ROBO2: variants seen among roughly 807,000 people sequenced by gnomAD.
The protein encoded by ROBO2 is roundabout homolog 2.
A neutral mutation model predicts 160.8 loss-of-function variants in ROBO2; 53 were observed. That is an observed-to-expected ratio of 0.33 (90% CI 0.26 to 0.41). The LOEUF is 0.41. Ranked by LOEUF, ROBO2 falls within the 10% of genes least tolerant of loss-of-function variation. ROBO2 has a pLI of 1.00. For synonymous variants in ROBO2, 664 were observed against 611.7 expected, an observed-to-expected ratio of 1.09 and a Z score of -1.26; for missense variants, 1,577 against 1,722.4, an observed-to-expected ratio of 0.92 and a Z score of 1.49.
At chr3:76,736,454 A>G (rs879763086) in intron 2 of ROBO2, among the ~76,000 whole-genome samples, 18 of 152,138 alleles carry the variant, frequency 1.2e-4, no homozygotes, top group Non-Finnish European at 2.4e-4. Flanking sequence ...AAGCTGTTTG[A>G]CATTTGAAAT....
At chr3:77,534,892 G>A (rs1371552241) in intron 6 of ROBO2, among the ~76,000 whole-genome samples, 1 of 152,130 alleles carries the variant, frequency 6.6e-6, no homozygotes, top group Non-Finnish European at 1.5e-5. Flanking sequence ...ACAAATGTTG[G>A]TGCAGTTAAT....
intron 2 of ROBO2, among the ~76,000 whole-genome samples, chr3:76,037,260 C>CT (rs5850229): frequency 0.21 from 29,210 of 137,150 alleles, 3,846 homozygotes; most frequent in African/African-American, 0.37. Context: ...TTTCTTTTTT[C>CT]TTTTTTTTTT....
At chr3:76,001,512 ATGTG>A (rs368446442) in intron 2 of ROBO2, among the ~76,000 whole-genome samples, 42 of 148,804 alleles carry the variant, frequency 2.8e-4, no homozygotes, top group African/African-American at 8.8e-4. Context: ...TTATTTGAAT[ATGTG>A]TGTGTGTGTG....
intron 2 of ROBO2, among the ~76,000 whole-genome samples, chr3:76,736,248 CT>C (rs1309099449): frequency 3.3e-5 from 4 of 123,020 alleles, no homozygotes; most frequent in African/African-American, 1.6e-4. Flanking sequence ...CGTCCCTGCA[CT>C]CCAGCCTGGG....
At chr3:76,187,191 T>A (rs904633372) in intron 2 of ROBO2, among the ~76,000 whole-genome samples, 1 of 152,142 alleles carries the variant, frequency 6.6e-6, no homozygotes, top group Admixed American at 6.6e-5. Flanking sequence ...AATATTTGCC[T>A]GGAATCATCA....
chr3:77,540,886 C>T (rs1444724370), intron 6 of ROBO2, among the ~76,000 whole-genome samples: 4 of 152,112 alleles, frequency 2.6e-5, no homozygotes, highest in Non-Finnish European at 4.4e-5. Flanking sequence ...AACCCTAGCA[C>T]ATAATAAGCT....
rs1486903670 is a variant in ROBO2 at position 77,164,967 on chromosome 3, G to A, written c.388+66627G>A. Among the ~76,000 whole-genome samples the A allele has an allele frequency of 9.4e-5, 14 of 148,722 alleles. 1 individual carries two copies. Among genetic ancestry groups the A allele is most frequent in the African/African-American group, 2.5e-4 (10 of 40,488 alleles). On this transcript the variant is annotated intron_variant, in intron 2 of 25. Coordinates refer to ENST00000461745, the Ensembl canonical transcript of ROBO2. ...GGTCAGCCCCCCAACCCGGCCAGCC[G>A]CCCCGTCCGGGAGGTGAGGGGCGCC...
intron 2 of ROBO2, among the ~76,000 whole-genome samples, chr3:77,213,386 C>A (rs915369920): frequency 6.6e-6 from 1 of 152,164 alleles, no homozygotes; most frequent in Non-Finnish European, 1.5e-5. Context: ...GTAGTATTCT[C>A]TGATGGTAGT....
intron 2 of ROBO2, among the ~76,000 whole-genome samples, chr3:76,565,419 T>A (rs916732821): frequency 6.6e-6 from 1 of 152,196 alleles, no homozygotes; most frequent in African/African-American, 2.4e-5. Flanking sequence ...TAAACATTTA[T>A]CCACAGGATA....
chr3:77,516,949 G>A (rs999377673), intron 5 of ROBO2, among the ~76,000 whole-genome samples: 3 of 151,440 alleles, frequency 2.0e-5, no homozygotes, highest in African/African-American at 4.8e-5. Flanking sequence ...TTCATTGAAC[G>A]CCTCCAATAT....
chr3:76,666,189 AG>A (rs1277586237), intron 2 of ROBO2, among the ~76,000 whole-genome samples: 71 of 151,668 alleles, frequency 4.7e-4, no homozygotes, highest in Non-Finnish European at 1.0e-4. Context: ...TCTACAAATC[AG>A]GATGTATAAT....
At chr3:76,434,791 G>T (rs2076593482) in intron 2 of ROBO2, 8 of 1,330,384 alleles carry the variant, frequency 6.0e-6, no homozygotes, top group Admixed American at 1.7e-5. Context: ...ATTAATCAGG[G>T]GGAGAGCATC....
intron 2 of ROBO2, among the ~76,000 whole-genome samples, chr3:76,549,532 A>G (rs770439920): frequency 7.2e-5 from 11 of 152,200 alleles, no homozygotes; most frequent in Non-Finnish European, 1.5e-4. Flanking sequence ...TAGTGATTGT[A>G]ATCAAGTTGA....
chr3:76,177,785 T>A (rs1010003983), intron 2 of ROBO2, among the ~76,000 whole-genome samples: 2 of 152,094 alleles, frequency 1.3e-5, no homozygotes, highest in Non-Finnish European at 2.9e-5. Flanking sequence ...CAGAGAAATA[T>A]AGACAGATGG....
intron 2 of ROBO2, among the ~76,000 whole-genome samples, chr3:76,635,821 A>G (rs999662227): frequency 6.6e-6 from 1 of 152,226 alleles, no homozygotes; most frequent in African/African-American, 2.4e-5. Context: ...ATTGTAGCCA[A>G]TGTTTTCCTA....
At chr3:77,384,013 T>C (rs867897244) in intron 2 of ROBO2, among the ~76,000 whole-genome samples, 1 of 152,162 alleles carries the variant, frequency 6.6e-6, no homozygotes, top group Non-Finnish European at 1.5e-5. Context: ...AGTTTACTAA[T>C]TGACAAATGT....
chr3:77,458,710 C>T (rs1447603129), intron 2 of ROBO2, among the ~76,000 whole-genome samples: 1 of 151,900 alleles, frequency 6.6e-6, no homozygotes, highest in Non-Finnish European at 1.5e-5. Context: ...GCTTAATGTT[C>T]AAAATCACCA....
chr3:76,998,705 C>T (rs1158353352), intron 2 of ROBO2, among the ~76,000 whole-genome samples: 1 of 152,030 alleles, frequency 6.6e-6, no homozygotes, highest in Non-Finnish European at 1.5e-5. Flanking sequence ...CAAGTGAGTG[C>T]ACAACTAGCC....
intron 2 of ROBO2, among the ~76,000 whole-genome samples, chr3:76,315,000 A>G (rs2071887241): frequency 6.6e-6 from 1 of 152,190 alleles, no homozygotes; most frequent in Non-Finnish European, 1.5e-5. Flanking sequence ...GTAAATAGGT[A>G]TAAATAGAAA....
Sources: allele counts gnomAD v4.1 joint callset (sites outside exome capture counted in the v4.1 genomes callset), GRCh38; gene constraint gnomAD v4.1.1; transcripts MANE v1.5; gene names NCBI Gene and HGNC (gene_info 2026-07-23, HGNC 2026-07-21).